The following LTBP1 variants were observed in gnomAD, a reference collection of about 807,000 sequenced individuals.
LTBP1 encodes latent transforming growth factor beta binding protein 1, also known as latent-transforming growth factor beta-binding protein 1.
A neutral mutation model predicts 207.6 loss-of-function variants in LTBP1; 129 were observed. That is an observed-to-expected ratio of 0.62 (90% CI 0.54 to 0.72). The LOEUF (loss-of-function observed/expected upper bound fraction) is 0.72. LTBP1 is among the 30% of genes least tolerant of loss of function. The pLI is 0.00. For synonymous variants in LTBP1, 963 were observed against 833.7 expected (o/e 1.16, Z -2.67); for missense variants, 2,281 against 2,217.2 (o/e 1.03, Z -0.58).
At chr2:33,275,355 T>C (rs1227667084) in intron 17 of LTBP1, among the ~76,000 whole-genome samples, 2 of 152,146 alleles carry the variant, frequency 1.3e-5, no homozygotes, top group Non-Finnish European at 2.9e-5. Flanking sequence ...AACTGGATGA[T>C]TTTGATGTGT....
chr2:33,390,363 G>A (rs1021744814), intron 32 of LTBP1, among the ~76,000 whole-genome samples: 1 of 152,128 alleles, frequency 6.6e-6, no homozygotes, highest in African/African-American at 2.4e-5. Context: ...GAAACAGCAG[G>A]AGGTCCACAA....
intron 10 of LTBP1, among the ~76,000 whole-genome samples, chr2:33,244,139 G>A (rs767452754): frequency 4.6e-5 from 7 of 152,084 alleles, no homozygotes; most frequent in Admixed American, 6.5e-5. Flanking sequence ...TCATAAATAC[G>A]GTATTTTAAG....
At chr2:33,101,369 TTC>T (rs2079728959) in intron 3 of LTBP1, among the ~76,000 whole-genome samples, 1 of 152,158 alleles carries the variant, frequency 6.6e-6, no homozygotes, top group African/African-American at 2.4e-5. Context: ...AGGGATGAAA[TTC>T]TGTTTTTGTT....
chr2:33,216,260 T>C (rs919404784), intron 7 of LTBP1, among the ~76,000 whole-genome samples: 7 of 152,098 alleles, frequency 4.6e-5, no homozygotes, highest in South Asian at 2.1e-4. Flanking sequence ...ATTAAGGAGA[T>C]AGGGGAGGTT....
rs1044497544 is a variant in LTBP1 at position 33,075,342 on chromosome 2, T to G, written c.864-35240T>G. Among the ~76,000 whole-genome samples the G allele has an allele frequency of 3.9e-5, 6 of 152,308 alleles. No homozygotes were observed. The East Asian group carries it at 5.8e-4, about 15-fold the overall frequency. ...TGATACATGATTTAAAAATATTTTT[T>G]GGGGGGCAACATTTTCTAAAAGGTA... is the stretch of plus-strand genomic sequence containing the variant. On this transcript the variant is annotated intron_variant, in intron 3 of 33. Transcript: ENST00000404816.
At chr2:33,136,250 ATGCTT>A (rs1366900373) in intron 5 of LTBP1, among the ~76,000 whole-genome samples, 1 of 152,228 alleles carries the variant, frequency 6.6e-6, no homozygotes, top group East Asian at 1.9e-4. Context: ...ATGGCACATT[ATGCTT>A]TGCAGGGCAG....
At chr2:33,340,478 A>G (rs2094605861) in intron 24 of LTBP1, among the ~76,000 whole-genome samples, 1 of 152,180 alleles carries the variant, frequency 6.6e-6, no homozygotes, top group African/African-American at 2.4e-5. Flanking sequence ...AAGGCAGAAC[A>G]AGAAGAATAT....
At chr2:33,241,964 C>CGTA (rs1397002547) in intron 9 of LTBP1, among the ~76,000 whole-genome samples, 6 of 152,122 alleles carry the variant, frequency 3.9e-5, no homozygotes, top group African/African-American at 1.4e-4. Flanking sequence ...TACTGTGTGC[C>CGTA]GTACCAGGTG....
At chr2:33,301,208 T>C (rs1029261727) in intron 21 of LTBP1, among the ~76,000 whole-genome samples, 1 of 152,204 alleles carries the variant, frequency 6.6e-6, no homozygotes. Flanking sequence ...CTTGAAGATA[T>C]TATGATCTCA....
chr2:33,215,334 A>C lies in LTBP1; in HGVS notation c.1702-2218A>C, dbSNP rs1454377. Among the ~76,000 whole-genome samples the C allele has an allele frequency of 7.9e-3, 1,205 of 152,272 alleles. 16 individuals are homozygous for C. Among genetic ancestry groups the C allele is most frequent in the African/African-American group, 0.028 (1,145 of 41,530 alleles). On this transcript the variant is annotated intron_variant, in intron 7 of 33. Transcript: ENST00000404816. ...GTAAGAAGTCCTACAGTCAGAATTCATTCTCAGGCCTCTCTAACTCCTGAG... is the reference window on the plus strand; with the variant it reads ...GTAAGAAGTCCTACAGTCAGAATTCCTTCTCAGGCCTCTCTAACTCCTGAG...
intron 3 of LTBP1, among the ~76,000 whole-genome samples, chr2:33,043,238 C>T (rs961816544): frequency 6.6e-6 from 1 of 152,148 alleles, no homozygotes; most frequent in Non-Finnish European, 1.5e-5. Flanking sequence ...GGATTGAGCC[C>T]AGAGCCTTTT....
intron 4 of LTBP1, among the ~76,000 whole-genome samples, chr2:33,121,606 C>T (rs559062965): frequency 5.3e-5 from 8 of 152,186 alleles, no homozygotes; most frequent in Admixed American, 1.3e-4. Context: ...AAACCAAGAG[C>T]TCTTCCTCCC....
chr2:33,128,135 A>C (rs903527827), intron 4 of LTBP1, among the ~76,000 whole-genome samples: 1 of 152,194 alleles, frequency 6.6e-6, no homozygotes, highest in Non-Finnish European at 1.5e-5. Flanking sequence ...TTGGTAAACA[A>C]ATAGCCCAGT....
chr2:33,200,029 T>C (rs961949199), intron 7 of LTBP1, among the ~76,000 whole-genome samples: 2 of 151,938 alleles, frequency 1.3e-5, no homozygotes, highest in African/African-American at 4.8e-5. Flanking sequence ...AGAATCAATA[T>C]CGTGAAAATG....
At chr2:33,198,616 T>C (rs2088842798) in intron 7 of LTBP1, among the ~76,000 whole-genome samples, 1 of 152,206 alleles carries the variant, frequency 6.6e-6, no homozygotes, top group Non-Finnish European at 1.5e-5. Context: ...TTCTTCCTGG[T>C]TTAGTCTTGG....
At chr2:33,047,942 CT>C (rs945798143) in intron 3 of LTBP1, among the ~76,000 whole-genome samples, 162 of 150,266 alleles carry the variant, frequency 1.1e-3, no homozygotes, top group African/African-American at 3.7e-3. Context: ...GCAACCTCTG[CT>C]TTTTTTTTTG....
intron 6 of LTBP1, among the ~76,000 whole-genome samples, chr2:33,187,419 A>G (rs2087327820): frequency 1.3e-5 from 2 of 152,198 alleles, no homozygotes; most frequent in African/African-American, 4.8e-5. Flanking sequence ...TCTGGCCCTT[A>G]CAGCATTAAT....
chr2:33,029,608 T>C (rs2075595593), intron 3 of LTBP1, among the ~76,000 whole-genome samples: 3 of 152,262 alleles, frequency 2.0e-5, no homozygotes, highest in Admixed American at 6.5e-5. Flanking sequence ...TAACTGCAAG[T>C]GTCTGAATGC....
chr2:33,140,055 T>G (rs1230896760), intron 5 of LTBP1, among the ~76,000 whole-genome samples: 1 of 152,226 alleles, frequency 6.6e-6, no homozygotes, highest in Non-Finnish European at 1.5e-5. Flanking sequence ...TAAATAAGTT[T>G]CTGAATGAAT....
Sources: gnomAD v4.1 joint callset for allele counts (sites outside exome capture counted in the v4.1 genomes callset) on GRCh38, gnomAD v4.1.1 for gene constraint, MANE v1.5 for transcripts, NCBI Gene and HGNC (gene_info 2026-07-23, HGNC 2026-07-21) for gene names.